Variants in VWA5A observed in about 807,000 individuals in gnomAD.
The protein encoded by VWA5A is von Willebrand factor A domain containing 5A, also known as von Willebrand factor A domain-containing protein 5A.
VWA5A carries 77 observed loss-of-function variants against 84.6 expected under a neutral mutation model. The ratio of observed to expected loss-of-function variants is 0.91; its 90% CI spans 0.76 to 1.10. The LOEUF (loss-of-function observed/expected upper bound fraction) is 1.10. VWA5A is among the 50% of genes least tolerant of loss of function. The probability of loss-of-function intolerance (pLI) is 0.00; values close to 1 mark genes in which losing one functional copy is unlikely to be tolerated. For missense variants in VWA5A, 973 were observed against 963.0 expected, an observed-to-expected ratio of 1.01 and a Z score of -0.14; for synonymous variants, 334 against 350.1, an observed-to-expected ratio of 0.95 and a Z score of 0.51.
In VWA5A at chr11:124,123,718, A is replaced by G. The variant is rs760523578; in HGVS notation, c.1078A>G (p.Met360Val). 6.2e-7 allele frequency: 1 copy of G among 1,613,720 alleles called. No individual in the cohort carries two copies. The highest frequency in any genetic ancestry group is 8.5e-7 in the Non-Finnish European group (1 of 1,179,886). Residue 360 changes from methionine to valine, a missense_variant, in exon 10 of 19, where the codon ATG (methionine) becomes GTG (valine). By Grantham distance (21) the Met-to-Val change is conservative. Transcript: ENST00000456829. ...GGAGGCTCTGGGGAGAGTGAAGCTT[A>G]TGCAGGCCGACCTAGGGGGCACTGA... ...MEEALGRVKL[M>V]QADLGGTEIL...
rs369861264 is a variant in VWA5A, at chr11:124,124,366, C to T, written c.1244+50C>T. On this transcript the variant is annotated intron_variant, in intron 11 of 18. Coordinates refer to ENST00000456829, the MANE Select transcript of VWA5A (RefSeq NM_001130142.2). ...GTGATTGGTGCTGAGTAGTGACACA[C>T]AGACTCTAGTGCTACATGATGCCGG... 9.9e-4 allele frequency: 1,585 copies of T among 1,603,036 alleles called. 25 individuals are homozygous for T. The South Asian group carries it at 0.017, about 17-fold the overall frequency.
chr11:124,128,483 C>T (rs1865051352), intron 11 of VWA5A, among the ~76,000 whole-genome samples: 1 of 152,082 alleles, frequency 6.6e-6, no homozygotes, highest in Non-Finnish European at 1.5e-5. Context: ...TTAGGATTGT[C>T]TTGGCTATAT....
In VWA5A at chr11:124,126,957, A is replaced by G. The variant is rs1865027122; in HGVS notation, c.1244+2641A>G. On this transcript the variant is annotated intron_variant, in intron 11 of 18. Transcript: ENST00000456829. The stretch of plus-strand genomic sequence containing the variant: ...CATTCTGCTACATCACAATACAACT[A>G]TTAAATTCAAGACATTTAAAGTTGA... 4.6e-5 allele frequency among the ~76,000 whole-genome samples: 7 copies of G among 152,356 alleles called. No individual in the cohort carries two copies. In the South Asian group the frequency reaches 1.4e-3, roughly 32 times the overall value.
chr11:124,123,286 T>C, intron 8 of VWA5A, 80 bp from the exon 9 acceptor site: 1 of 1,525,250 alleles, frequency 6.6e-7, no homozygotes, highest in Non-Finnish European at 8.9e-7. Flanking sequence ...ATGGCCCACA[T>C]CCTCAAGAGT....
intron 15 of VWA5A, among the ~76,000 whole-genome samples, chr11:124,139,014 C>G (rs1860674368): frequency 6.6e-6 from 1 of 152,158 alleles, no homozygotes; most frequent in Non-Finnish European, 1.5e-5. Flanking sequence ...TTTCCCAATG[C>G]CATTTATTAA....
chr11:124,136,702 T>TTCCTTCCTTCCTTCCTTCCTTCCA, intron 14 of VWA5A, 28 bp downstream of exon 14: 1 of 667,440 alleles, frequency 1.5e-6, no homozygotes, highest in Non-Finnish European at 2.3e-6. Flanking sequence ...CCTTCCTTCC[T>TTCCTTCCTTCCTTCCTTCCTTCCA]TCCTTCCTTC....
chr11:124,137,893 C>A (rs1452242902), intron 15 of VWA5A, among the ~76,000 whole-genome samples: 1 of 152,216 alleles, frequency 6.6e-6, no homozygotes, highest in Admixed American at 6.5e-5. Context: ...GGGTCTCACT[C>A]TGTTGCCGAG....
chr11:124,138,579 T>C (rs1019008427), intron 15 of VWA5A, among the ~76,000 whole-genome samples: 8 of 152,246 alleles, frequency 5.3e-5, no homozygotes, highest in African/African-American at 1.9e-4. Flanking sequence ...TGGCCATTTG[T>C]ATGTCTTCTT....
At chr11:124,132,080 A>G (rs1382992815) in intron 11 of VWA5A, among the ~76,000 whole-genome samples, 1 of 151,812 alleles carries the variant, frequency 6.6e-6, no homozygotes. Context: ...CATCAAATGT[A>G]TTTTATGCAT....
chr11:124,117,983 T>C (rs1038409155), intron 4 of VWA5A, 108 bp downstream of exon 4: 23 of 1,401,826 alleles, frequency 1.6e-5, no homozygotes, highest in Non-Finnish European at 3.9e-6. Context: ...CAAAACATGC[T>C]GATGTTGAAA....
rs749103311 is a variant in VWA5A, at chr11:124,141,838, A to G, written c.2023+97A>G. On this transcript the variant is annotated intron_variant, in intron 16 of 18. Transcript: ENST00000456829. Reference sequence around the variant, plus strand: ...AGCTTGTAGTTACAGCTATGACAAGAGATGCATGTTTCTCGAAGGGACCCC... The same window carrying G: ...AGCTTGTAGTTACAGCTATGACAAGGGATGCATGTTTCTCGAAGGGACCCC... The G allele has an allele frequency of 8.8e-6, 13 of 1,475,148 alleles. No individual in the cohort carries two copies. The Middle Eastern group carries it at 6.3e-4, about 71-fold the overall frequency. The allele number at this position is 1,475,148 out of a possible 1,614,324, so 91.4% of individuals were successfully genotyped here.
In VWA5A at chr11:124,118,290, C is replaced by T; in HGVS notation, c.348C>T (p.Asn116=). The change falls in exon 5 of 19, where the codon AAC becomes AAT. Residue 116 remains asparagine (N), a synonymous_variant. Coordinates refer to ENST00000456829, the MANE Select transcript of VWA5A (RefSeq NM_001130142.2). Reference sequence around the variant, plus strand: ...ATGTCTTCTCTTGCAATGTGGGTAACCTCCAACCTGGGTCGAAGGCGGCAG... The same window carrying T: ...ATGTCTTCTCTTGCAATGTGGGTAATCTCCAACCTGGGTCGAAGGCGGCAG... ...SRDVFSCNVG[N]LQPGSKAAVT... 1 of 1,614,184 alleles carries T rather than the reference C, an allele frequency of 6.2e-7. No homozygotes were observed. Among genetic ancestry groups the T allele is most frequent in the Non-Finnish European group, 8.5e-7 (1 of 1,180,036 alleles).
At chr11:124,130,668 T>C (rs1162364955) in intron 11 of VWA5A, among the ~76,000 whole-genome samples, 2 of 152,230 alleles carry the variant, frequency 1.3e-5, no homozygotes, top group African/African-American at 4.8e-5. Flanking sequence ...GCTCCTATAT[T>C]GGGTGCATAT....
intron 12 of VWA5A, 100 bp from the exon 13 acceptor site, chr11:124,136,029 T>C: frequency 7.6e-7 from 1 of 1,321,060 alleles, no homozygotes; most frequent in Admixed American, 1.8e-5. Context: ...AGGCATGACA[T>C]GTATTATGTA....
chr11:124,143,234 A>C (rs777303716), intron 17 of VWA5A, among the ~76,000 whole-genome samples: 5 of 152,218 alleles, frequency 3.3e-5, no homozygotes, highest in Admixed American at 3.3e-4. Flanking sequence ...AAATATGCTG[A>C]TAAGGATAAA....
At chr11:124,122,884 C>T in intron 7 of VWA5A, 76 bp from the exon 8 acceptor site, 2 of 1,416,470 alleles carry the variant, frequency 1.4e-6, no homozygotes, top group Non-Finnish European at 1.9e-6. Context: ...TAATTGAATT[C>T]ACTACCATTG....
rs563145756 is a variant in VWA5A at position 124,129,355 on chromosome 11, T to C, written c.1244+5039T>C. Among the ~76,000 whole-genome samples the C allele has an allele frequency of 2.0e-5, 3 of 152,322 alleles. No homozygotes were observed. In the East Asian group the frequency reaches 5.8e-4, roughly 29 times the overall value. On this transcript the variant is annotated intron_variant, in intron 11 of 18. Transcript: ENST00000456829. ...GACTTGATCATGGTGGATAAGCTTT[T>C]TGATGTGCCGCTGGATTCGGTTTGC...
rs1188527236 is a variant in VWA5A at position 124,147,463 on chromosome 11, G to C, written c.*1518G>C. 6.6e-6 allele frequency: 1 copy of C among 152,182 alleles called. No homozygotes were observed. Among genetic ancestry groups the C allele is most frequent in the Non-Finnish European group, 1.5e-5 (1 of 68,030 alleles). 9.4% of individuals were successfully genotyped at this position (152,182 alleles called of 1,614,324 possible). A position where few individuals can be genotyped will look rare whatever the true frequency, so the allele number is the denominator to read the frequency against. On this transcript the variant is annotated 3_prime_UTR_variant, in exon 19 of 19. Transcript: ENST00000456829. ...GGCCTGAGTTTCTTTAAGTTGTTGA[G>C]TTACCTGGTATTAGGAAGACTTGTG...
chr11:124,118,972 C>G lies in VWA5A; in HGVS notation c.646-3C>G, dbSNP rs1011794771. 24 of 1,613,774 alleles carry G rather than the reference C, an allele frequency of 1.5e-5. No homozygotes were observed. The African/African-American group carries it at 2.4e-4, about 16-fold the overall frequency. ...GTGGCTCCTTTACCTGTCCTCCACT[C>G]AGGTTTCCCTGGCTGCTGGACACAA... On this transcript the variant is annotated splice_polypyrimidine_tract_variant and splice_region_variant and intron_variant, in intron 6 of 18. Transcript: ENST00000456829.
Sources: allele counts gnomAD v4.1 joint callset (sites outside exome capture counted in the v4.1 genomes callset), GRCh38; gene constraint gnomAD v4.1.1; transcripts MANE v1.5; gene names NCBI Gene and HGNC (gene_info 2026-07-23, HGNC 2026-07-21).